The following PTPRD variants were observed in gnomAD, a reference collection of about 807,000 sequenced individuals.
PTPRD encodes receptor-type tyrosine-protein phosphatase delta.
In PTPRD, 34 loss-of-function variants were observed where a neutral mutation model predicts 214.5. The ratio of observed to expected loss-of-function variants is 0.16; its 90% confidence interval spans 0.12 to 0.21. The LOEUF is 0.21. PTPRD is among the 10% of genes least tolerant of loss of function. The probability of loss-of-function intolerance (pLI) is 1.00; values close to 1 mark genes in which losing one functional copy is unlikely to be tolerated. For missense variants in PTPRD, 2,545 were observed against 2,398.7 expected (o/e 1.06, Z -1.27); for synonymous variants, 1,128 against 845.7 (o/e 1.33, Z -5.79).
Position 9,441,647 on chromosome 9 carries a change from A to G in PTPRD, c.-236-44165T>C, listed in dbSNP as rs74943475. 5.2e-3 allele frequency among the ~76,000 whole-genome samples: 791 copies of G among 152,306 alleles called. 6 individuals are homozygous for G. Among genetic ancestry groups the G allele is most frequent in the African/African-American group, 0.013 (521 of 41,570 alleles). ...TGCCAGGCTATCAATATAACATGTT[A>G]CACTAAATTCTGAATCAATGAGGCC... On this transcript the variant is annotated intron_variant, in intron 8 of 45. Coordinates refer to ENST00000381196, the MANE Select transcript of PTPRD (RefSeq NM_002839.4).
intron 10 of PTPRD, among the ~76,000 whole-genome samples, chr9:9,050,669 T>G (rs2099683188): frequency 7.3e-6 from 1 of 137,924 alleles, no homozygotes; most frequent in Non-Finnish European, 1.6e-5. Flanking sequence ...TGTGACATGA[T>G]GCATCCATGC....
intron 5 of PTPRD, among the ~76,000 whole-genome samples, chr9:9,877,215 T>G (rs1172254633): frequency 2.0e-5 from 3 of 152,310 alleles, no homozygotes; most frequent in East Asian, 3.9e-4. Flanking sequence ...CCTGAGTAAC[T>G]GGTAATGCAG....
At chr9:9,199,383 T>C (rs1315950927) in intron 9 of PTPRD, among the ~76,000 whole-genome samples, 2 of 152,218 alleles carry the variant, frequency 1.3e-5, no homozygotes, top group African/African-American at 2.4e-5. Flanking sequence ...TCTAATGCAA[T>C]TGCTGTCCCG....
At chr9:10,355,735 C>T (rs922946265) in intron 2 of PTPRD, among the ~76,000 whole-genome samples, 1 of 152,108 alleles carries the variant, frequency 6.6e-6, no homozygotes, top group African/African-American at 2.4e-5. Flanking sequence ...ACCTCGGCCT[C>T]CCAAAGCGCT....
chr9:8,837,634 T>A (rs753757554), intron 11 of PTPRD, among the ~76,000 whole-genome samples: 36 of 152,202 alleles, frequency 2.4e-4, no homozygotes, highest in South Asian at 1.0e-3. Flanking sequence ...GTAGCTGGTA[T>A]TACAGGTGCA....
chr9:10,320,409 G>A (rs897161004), intron 3 of PTPRD, among the ~76,000 whole-genome samples: 1 of 151,928 alleles, frequency 6.6e-6, no homozygotes, highest in African/African-American at 2.4e-5. Flanking sequence ...ATCTTGGCCA[G>A]GTTTCCTCCT....
Position 9,637,677 on chromosome 9 carries a change from T to C in PTPRD, c.-286-62896A>G, listed in dbSNP as rs374866132. Among the ~76,000 whole-genome samples the C allele has an allele frequency of 2.2e-4, 34 of 152,330 alleles. 1 individual carries two copies. The highest frequency in any genetic ancestry group is 7.9e-4 in the African/African-American group (33 of 41,582). On this transcript the variant is annotated intron_variant, in intron 7 of 45. Transcript: ENST00000381196. ...GAGGCCTTTCCAGGCTGCTACTGCA[T>C]GCTGGTGGCTCTATAGTTCTGGGGT...
intron 21 of PTPRD, among the ~76,000 whole-genome samples, chr9:8,512,330 C>T (rs756625899): frequency 1.1e-4 from 17 of 152,122 alleles, no homozygotes; most frequent in Non-Finnish European, 2.2e-4. Flanking sequence ...TTATTCTCAA[C>T]AGTCATTAAA....
At chr9:8,595,870 A>C (rs1564602379) in intron 14 of PTPRD, among the ~76,000 whole-genome samples, 1 of 152,166 alleles carries the variant, frequency 6.6e-6, no homozygotes, top group Non-Finnish European at 1.5e-5. Flanking sequence ...TTAAAGGTGT[A>C]AGTTAGTATG....
intron 8 of PTPRD, among the ~76,000 whole-genome samples, chr9:9,525,939 C>A (rs949575296): frequency 6.6e-6 from 1 of 151,986 alleles, no homozygotes; most frequent in Admixed American, 6.6e-5. Context: ...CTCTAGAAAT[C>A]CTCATATGTT....
chr9:9,195,055 C>T (rs909933225), intron 9 of PTPRD, among the ~76,000 whole-genome samples: 26 of 133,624 alleles, frequency 1.9e-4, no homozygotes, highest in African/African-American at 5.2e-4. Flanking sequence ...CATATTTATA[C>T]GAATACATAT....
intron 11 of PTPRD, among the ~76,000 whole-genome samples, chr9:9,011,559 T>C (rs79535150): frequency 6.6e-6 from 1 of 152,136 alleles, no homozygotes; most frequent in Admixed American, 6.6e-5. Context: ...GAGGGTCACA[T>C]GCTATTCCCT....
chr9:9,413,464 A>C (rs1433217050), intron 8 of PTPRD, among the ~76,000 whole-genome samples: 1 of 152,230 alleles, frequency 6.6e-6, no homozygotes, highest in East Asian at 1.9e-4. Flanking sequence ...GTTAGTAATA[A>C]GCAAGAAATG....
intron 3 of PTPRD, among the ~76,000 whole-genome samples, chr9:10,042,862 C>A (rs957661848): frequency 2.6e-5 from 4 of 151,782 alleles, no homozygotes; most frequent in Non-Finnish European, 5.9e-5. Context: ...AAGAAAATTT[C>A]CAGGAAATTA....
intron 10 of PTPRD, among the ~76,000 whole-genome samples, chr9:9,150,524 A>G (rs1592476846): frequency 6.7e-6 from 1 of 150,086 alleles, no homozygotes; most frequent in Admixed American, 6.7e-5. Flanking sequence ...GAGTCTTGCT[A>G]TGTCACCCAG....
At chr9:8,835,096 C>T (rs1300550290) in intron 11 of PTPRD, among the ~76,000 whole-genome samples, 1 of 152,190 alleles carries the variant, frequency 6.6e-6, no homozygotes, top group Non-Finnish European at 1.5e-5. Flanking sequence ...ATGGATTCAA[C>T]TGGGCCCCAT....
intron 9 of PTPRD, among the ~76,000 whole-genome samples, chr9:9,266,919 A>C (rs375966323): frequency 1.3e-5 from 2 of 151,194 alleles, no homozygotes; most frequent in Non-Finnish European, 3.0e-5. Flanking sequence ...ACTAATGCCA[A>C]AGTTAGAAGG....
intron 7 of PTPRD, among the ~76,000 whole-genome samples, chr9:9,732,817 T>G (rs2098222170): frequency 6.6e-6 from 1 of 151,996 alleles, no homozygotes; most frequent in Non-Finnish European, 1.5e-5. Flanking sequence ...GGGACCGTGG[T>G]GTGGCTCTGT....
intron 3 of PTPRD, among the ~76,000 whole-genome samples, chr9:10,074,470 G>C (rs1425981790): frequency 6.6e-6 from 1 of 152,088 alleles, no homozygotes; most frequent in Non-Finnish European, 1.5e-5. Context: ...TTCTAAAGCT[G>C]ACAGAGGAGT....
Sources: allele counts gnomAD v4.1 joint callset (sites outside exome capture counted in the v4.1 genomes callset), GRCh38; gene constraint gnomAD v4.1.1; transcripts MANE v1.5; gene names NCBI Gene and HGNC (gene_info 2026-07-23, HGNC 2026-07-21).